Variants in PSMC4 observed in about 807,000 individuals in gnomAD.
PSMC4 encodes the protein proteasome 26S subunit, ATPase 4.
PSMC4 carries 13 observed loss-of-function variants against 48.4 expected under a neutral mutation model. The observed-to-expected ratio is 0.27, with a 90% CI of 0.18 to 0.43. The LOEUF is 0.43. Ranked by LOEUF, PSMC4 falls within the 20% of genes least tolerant of loss-of-function variation. The probability of loss-of-function intolerance (pLI) is 1.00; values close to 1 mark genes in which losing one functional copy is unlikely to be tolerated. For synonymous variants in PSMC4, 202 were observed against 212.3 expected, an observed-to-expected ratio of 0.95 and a Z score of 0.42; for missense variants, 262 against 555.9, an observed-to-expected ratio of 0.47 and a Z score of 5.32.
At position 39,972,655 on chromosome 19, in the gene PSMC4, G is replaced by A. The variant is rs552119330; in HGVS notation, c.322+100G>A. On this transcript the variant is annotated intron_variant, in intron 3 of 10. Coordinates refer to ENST00000157812, the MANE Select transcript of PSMC4 (RefSeq NM_006503.4). ...ACAAGGCAGGGCAGTGCAGTGCAAT[G>A]TTCTTCAGAGTATTTTGACTGATCG... The A allele has an allele frequency of 2.2e-5, 22 of 978,588 alleles. No individual in the cohort carries two copies. The South Asian group carries it at 3.8e-4, about 17-fold the overall frequency. The allele number at this position is 978,588 out of a possible 1,614,324, so 60.6% of individuals were successfully genotyped here.
chr19:39,975,977 G>T (rs574360175), intron 6 of PSMC4, among the ~76,000 whole-genome samples: 4 of 152,038 alleles, frequency 2.6e-5, no homozygotes, highest in African/African-American at 7.2e-5. Flanking sequence ...GGCCAGGCGC[G>T]GTGGCTCACG....
chr19:39,974,329 G>A lies in PSMC4; in HGVS notation c.358G>A (p.Asp120Asn). ...NYYVRILSTI[D>N]RELLKPNASV... ...TTATGTGCGCATCCTGAGCACCATC[G>A]ATCGGGAGCTGCTCAAGCCCAACGC... Residue 120 changes from aspartate to asparagine, a missense_variant, in exon 4 of 11, where the codon GAT (aspartate) becomes AAT (asparagine). Transcript: ENST00000157812. This position sits in a 1 kb window ranked among gnomAD's most constrained non-coding sequence, Gnocchi z 5.5. 2 of 1,614,126 alleles carry A rather than the reference G, an allele frequency of 1.2e-6. No homozygotes were observed. The highest frequency in any genetic ancestry group is 1.1e-5 in the South Asian group (1 of 91,072).
intron 6 of PSMC4, among the ~76,000 whole-genome samples, chr19:39,977,234 G>A (rs1971217892): frequency 6.6e-6 from 1 of 152,002 alleles, no homozygotes; most frequent in Non-Finnish European, 1.5e-5. Flanking sequence ...TTCCAGTGTG[G>A]CCCTGTGTAC....
chr19:39,976,247 ATAT>A (rs1568375673), intron 6 of PSMC4, among the ~76,000 whole-genome samples: 23,330 of 107,392 alleles, frequency 0.22, 4,421 homozygotes, highest in African/African-American at 0.53. Context: ...CAAAAAAAAT[ATAT>A]ATATATATAT....
In PSMC4 at chr19:39,974,088, G is replaced by A. The variant is rs1971152294; in HGVS notation, c.323-206G>A. ...GGGGGAGGCCTGCTGGACAGCCAGG[G>A]CTGGATGTCAAGAGAGAATCAGGGC... On this transcript the variant is annotated intron_variant, in intron 3 of 10. Transcript: ENST00000157812. The surrounding 1 kb of genome is among the most constrained non-coding windows in gnomAD (Gnocchi z 5.5). 6.6e-6 allele frequency among the ~76,000 whole-genome samples: 1 copy of A among 152,160 alleles called. No individual in the cohort carries two copies. The highest frequency in any genetic ancestry group is 2.4e-5 in the African/African-American group (1 of 41,420).
At position 39,974,843 on chromosome 19, in the gene PSMC4, C is replaced by T. The variant is rs761292958; in HGVS notation, c.673+15C>T. On this transcript the variant is annotated intron_variant, in intron 6 of 10. Coordinates refer to ENST00000157812, the MANE Select transcript of PSMC4 (RefSeq NM_006503.4). This position sits in a 1 kb window ranked among gnomAD's most constrained non-coding sequence, Gnocchi z 5.5. ...TCACACAACAGGTGAGCCCTTTCGC[C>T]CCTGCCCCGAGCTCTCATCTTCTGG... The T allele has an allele frequency of 1.2e-6, 2 of 1,606,042 alleles. No individual in the cohort carries two copies. Among genetic ancestry groups the T allele is most frequent in the Non-Finnish European group, 1.7e-6 (2 of 1,173,374 alleles).
chr19:39,973,113 A>AT (rs1454144370), intron 3 of PSMC4, among the ~76,000 whole-genome samples: 1 of 152,228 alleles, frequency 6.6e-6, no homozygotes, highest in Non-Finnish European at 1.5e-5. Flanking sequence ...TGTGTAAAAC[A>AT]TAAGTTTCAC....
At chr19:39,976,805 A>T (rs1446310855) in intron 6 of PSMC4, among the ~76,000 whole-genome samples, 1 of 148,112 alleles carries the variant, frequency 6.8e-6, no homozygotes, top group Non-Finnish European at 1.5e-5. Context: ...CACCGCACCC[A>T]GCCCGTAAAC....
Position 39,971,369 on chromosome 19 carries a change from G to A in PSMC4, c.36+131G>A, listed in dbSNP as rs553007004. The A allele has an allele frequency of 5.8e-5, 65 of 1,114,322 alleles. No individual in the cohort carries two copies. The African/African-American group carries it at 9.3e-4, about 16-fold the overall frequency. The allele number at this position is 1,114,322 out of a possible 1,614,324, so 69.0% of individuals were successfully genotyped here. On this transcript the variant is annotated intron_variant, in intron 1 of 10. Coordinates refer to ENST00000157812, the MANE Select transcript of PSMC4 (RefSeq NM_006503.4). The stretch of plus-strand genomic sequence containing the variant: ...TGGGGTTATTTTAGAGGCCTCGGTG[G>A]AGAGCTTTGTGCCATTCGAAGGCCT...
In PSMC4 at chr19:39,981,228, G is replaced by A. The variant is rs778782949; in HGVS notation, c.1180G>A (p.Val394Ile). The change falls in exon 11 of 11, where the codon GTC becomes ATC. Residue 394 changes from valine to isoleucine, a missense_variant. This residue lies in a region of PSMC4 where 84 missense variants were observed against 157.8 expected (regional missense o/e 0.53). Transcript: ENST00000157812. ...GGCTGTCCGTGAAAACCGCTACATT[G>A]TCCTGGCCAAGGACTTCGAGAAAGC... ...MLAVRENRYIVLAKDFEKAYK... is the reference protein window; with the variant it reads ...MLAVRENRYIILAKDFEKAYK... 105 of 1,613,866 alleles carry A rather than the reference G, an allele frequency of 6.5e-5. No individual in the cohort carries two copies. The highest frequency in any genetic ancestry group is 8.4e-5 in the Non-Finnish European group (99 of 1,180,012).
chr19:39,979,757 A>C, intron 6 of PSMC4, 60 bp from the exon 7 acceptor site: 3 of 1,491,308 alleles, frequency 2.0e-6, no homozygotes, highest in Non-Finnish European at 2.7e-6. Context: ...GTTTCTGTTA[A>C]AGCAGAATGG....
chr19:39,980,778 A>T lies in PSMC4; in HGVS notation c.1143+61A>T. The T allele has an allele frequency of 6.5e-7, 1 of 1,540,570 alleles. No homozygotes were observed. Among genetic ancestry groups the T allele is most frequent in the South Asian group, 1.1e-5 (1 of 89,592 alleles). ...GTGTGTGAGGACCCTTCTTCTCTGAACCACTCTGCTGCAGTCCTGTCCCCT... is the reference window on the plus strand; with the variant it reads ...GTGTGTGAGGACCCTTCTTCTCTGATCCACTCTGCTGCAGTCCTGTCCCCT... On this transcript the variant is annotated intron_variant, in intron 10 of 10. Transcript: ENST00000157812. The surrounding 1 kb of genome is among the most constrained non-coding windows in gnomAD (Gnocchi z 4.8).
chr19:39,979,542 C>T (rs1971256473), intron 6 of PSMC4: 1 of 258,886 alleles, frequency 3.9e-6, no homozygotes, highest in Non-Finnish European at 7.1e-6. Flanking sequence ...GCCTGGGCGA[C>T]AGAGCAAGAC....
chr19:39,978,019 C>T (rs1971231908), intron 6 of PSMC4, among the ~76,000 whole-genome samples: 1 of 152,080 alleles, frequency 6.6e-6, no homozygotes, highest in East Asian at 1.9e-4. Flanking sequence ...GAGACAGGGT[C>T]TTGCTATGTT....
In PSMC4 at chr19:39,974,876, G is replaced by A. The variant is rs777764527; in HGVS notation, c.673+48G>A. 2.6e-6 allele frequency: 4 copies of A among 1,538,668 alleles called. No individual in the cohort carries two copies. Among genetic ancestry groups the A allele is most frequent in the East Asian group, 2.3e-5 (1 of 44,308 alleles). On this transcript the variant is annotated intron_variant, in intron 6 of 10. Coordinates refer to ENST00000157812, the MANE Select transcript of PSMC4 (RefSeq NM_006503.4). The surrounding 1 kb of genome is among the most constrained non-coding windows in gnomAD (Gnocchi z 5.5). ...CGAGCTCTCATCTTCTGGCCTCTTC[G>A]CCTTGCTCCCTGCTCGCTCACTGGC...
chr19:39,971,348 G>A, intron 1 of PSMC4, 110 bp downstream of exon 1: 2 of 1,404,892 alleles, frequency 1.4e-6, no homozygotes, highest in Admixed American at 1.8e-5. Flanking sequence ...CCAGGTTGGG[G>A]TTATTTTAGA....
At chr19:39,979,708 TG>T in intron 6 of PSMC4, 108 bp from the exon 7 acceptor site, 1 of 1,143,000 alleles carries the variant, frequency 8.7e-7, no homozygotes, top group Non-Finnish European at 1.2e-6. Flanking sequence ...CTACTAGGTA[TG>T]GGTATCCAAG....
Position 39,980,406 on chromosome 19 carries a change from A to C in PSMC4, c.1039A>C (p.Thr347Pro). ...DRRQKRLIFS[T>P]ITSKMNLSEE... The stretch of plus-strand genomic sequence containing the variant: ...CCGCCAGAAGAGATTGATTTTCTCC[A>C]CTATCACTAGCAAGATGAACCTCTC... The change falls in exon 9 of 11, where the codon ACT becomes CCT. Residue 347 changes from threonine to proline, a missense_variant. Coordinates refer to ENST00000157812, the MANE Select transcript of PSMC4 (RefSeq NM_006503.4). The surrounding 1 kb of genome is among the most constrained non-coding windows in gnomAD (Gnocchi z 4.8). 5.6e-6 allele frequency: 9 copies of C among 1,614,106 alleles called. No individual in the cohort carries two copies. The highest frequency in any genetic ancestry group is 7.6e-6 in the Non-Finnish European group (9 of 1,180,016).
At chr19:39,975,514 T>A (rs139688394) in intron 6 of PSMC4, among the ~76,000 whole-genome samples, 116 of 152,244 alleles carry the variant, frequency 7.6e-4, no homozygotes, top group African/African-American at 2.6e-3. Flanking sequence ...TGTTCAGATC[T>A]TAACACATGT....
Sources: gnomAD v4.1 joint callset for allele counts (sites outside exome capture counted in the v4.1 genomes callset) on GRCh38, gnomAD v4.1.1 for gene constraint, gnomAD v4.1.1 regional missense constraint, Gnocchi (gnomAD v3.1) non-coding constraint, MANE v1.5 for transcripts, NCBI Gene and HGNC (gene_info 2026-07-23, HGNC 2026-07-21) for gene names.